The following DNAJB6 variants were observed in gnomAD, a reference collection of about 807,000 sequenced individuals.
DNAJB6 encodes DnaJ heat shock protein family (Hsp40) member B6.
Under a neutral mutation model 42.7 loss-of-function variants are expected in DNAJB6, and 16 were observed. That is an observed-to-expected ratio of 0.37 (90% CI 0.25 to 0.57). The LOEUF (loss-of-function observed/expected upper bound fraction) is 0.57, where lower values mean the gene tolerates loss of function less well. Among genes scored for constraint, DNAJB6 ranks in the 20% least tolerant of loss-of-function variants. DNAJB6 has a pLI of 0.74. For synonymous variants in DNAJB6, 170 were observed against 163.5 expected, an observed-to-expected ratio of 1.04 and a Z score of -0.30; for missense variants, 347 against 416.8, an observed-to-expected ratio of 0.83 and a Z score of 1.46.
intron 8 of DNAJB6, among the ~76,000 whole-genome samples, chr7:157,397,983 GTCTGGGCAGCAGAGCGAGAC>G (rs1442972351): frequency 6.6e-6 from 1 of 152,250 alleles, no homozygotes; most frequent in East Asian, 1.9e-4. Context: ...CTGCACTCCA[GTCTGGGCAGCAGAGCGAGAC>G]TCTTGTCTCA....
At chr7:157,397,536 T>C (rs918305683) in intron 8 of DNAJB6, among the ~76,000 whole-genome samples, 16 of 152,158 alleles carry the variant, frequency 1.1e-4, no homozygotes, top group African/African-American at 3.6e-4. Flanking sequence ...AACAGGAGAC[T>C]TTCCTCCTCA....
chr7:157,345,335 A>G (rs2116871649), intron 1 of DNAJB6, among the ~76,000 whole-genome samples: 1 of 152,194 alleles, frequency 6.6e-6, no homozygotes, highest in Middle Eastern at 3.4e-3. Context: ...TTTCTGAGAC[A>G]GGGCCTTGCC....
At chr7:157,353,717 C>T (rs752484156) in intron 1 of DNAJB6, among the ~76,000 whole-genome samples, 1 of 151,846 alleles carries the variant, frequency 6.6e-6, no homozygotes, top group African/African-American at 2.4e-5. Context: ...TGGAATGCCG[C>T]GGTGCAGTCC....
Position 157,384,900 on chromosome 7 carries a change from G to T in DNAJB6, c.512G>T (p.Gly171Val), listed in dbSNP as rs1584927273. Residue 171 changes from glycine to valine, a missense_variant, in exon 7 of 10, where the codon GGC becomes GTC. Gly to Val is a moderately radical substitution (Grantham distance 109, BLOSUM62 -3). Coordinates refer to ENST00000262177, the MANE Select transcript of DNAJB6 (RefSeq NM_058246.4). Reference sequence around the variant, plus strand: ...TCATTTGGGTCACTAGGTCACGGGGGCCTCACTTCATTCTCTTCCACGTCA... The same window carrying T: ...TCATTTGGGTCACTAGGTCACGGGGTCCTCACTTCATTCTCTTCCACGTCA... ...FTSFGSLGHG[G>V]LTSFSSTSFG... The T allele has an allele frequency of 6.2e-7, 1 of 1,613,188 alleles. No individual in the cohort carries two copies. Among genetic ancestry groups the T allele is most frequent in the Non-Finnish European group, 8.5e-7 (1 of 1,179,780 alleles).
At chr7:157,391,075 C>T (rs1410034433) in intron 8 of DNAJB6, among the ~76,000 whole-genome samples, 2 of 152,186 alleles carry the variant, frequency 1.3e-5, no homozygotes, top group Non-Finnish European at 1.5e-5. Context: ...GGCTCGAGCG[C>T]ATCACTCACT....
At chr7:157,393,961 A>G (rs948252142) in intron 8 of DNAJB6, among the ~76,000 whole-genome samples, 1 of 152,214 alleles carries the variant, frequency 6.6e-6, no homozygotes, top group Admixed American at 6.5e-5. Flanking sequence ...GCCTGTGATC[A>G]TGCGCCTTTC....
At chr7:157,392,826 T>C (rs1428435572) in intron 8 of DNAJB6, among the ~76,000 whole-genome samples, 2 of 152,186 alleles carry the variant, frequency 1.3e-5, no homozygotes, top group Admixed American at 6.5e-5. Flanking sequence ...AATATGTAGG[T>C]GTGCACATTT....
chr7:157,338,285 C>A (rs1340332868), intron 1 of DNAJB6, among the ~76,000 whole-genome samples: 1 of 152,092 alleles, frequency 6.6e-6, no homozygotes. Flanking sequence ...CCGCCTTACT[C>A]CTCCGCCAGT....
At chr7:157,338,561 AT>A in intron 1 of DNAJB6, among the ~76,000 whole-genome samples, 1 of 152,232 alleles carries the variant, frequency 6.6e-6, no homozygotes, top group South Asian at 2.1e-4. Flanking sequence ...TCTCGAACTT[AT>A]GACCTAAAGT....
chr7:157,396,472 C>G (rs370112438), intron 8 of DNAJB6, among the ~76,000 whole-genome samples: 1 of 152,178 alleles, frequency 6.6e-6, no homozygotes, highest in Non-Finnish European at 1.5e-5. Flanking sequence ...CTTTCTCTGC[C>G]TCCAGCAAAG....
intron 8 of DNAJB6, among the ~76,000 whole-genome samples, chr7:157,397,400 C>CT (rs1162727994): frequency 6.6e-6 from 1 of 152,204 alleles, no homozygotes; most frequent in Non-Finnish European, 1.5e-5. Context: ...GCCGGAACCT[C>CT]TGTGTCGCTG....
intron 1 of DNAJB6, chr7:157,340,066 C>T (rs1485964762): frequency 1.3e-5 from 2 of 152,204 alleles, no homozygotes; most frequent in Non-Finnish European, 2.9e-5. Context: ...AGGTCAGCTT[C>T]TATATTGGTT....
rs555564353 is a variant in DNAJB6, at chr7:157,382,165, A to G, written c.347-81A>G. ...GTTCCTGAATATGTTACAAACATCT[A>G]TTTTCTCTTACTGTAGCTATCACAT... On this transcript the variant is annotated intron_variant, in intron 5 of 9. Coordinates refer to ENST00000262177, the MANE Select transcript of DNAJB6 (RefSeq NM_058246.4). 2.5e-5 allele frequency: 37 copies of G among 1,459,588 alleles called. No homozygotes were observed. The Middle Eastern group carries it at 5.6e-4, about 22-fold the overall frequency. 90.4% of individuals were successfully genotyped at this position (1,459,588 alleles called of 1,614,324 possible).
At chr7:157,408,880 C>T (rs1795866025) in intron 8 of DNAJB6, among the ~76,000 whole-genome samples, 1 of 152,218 alleles carries the variant, frequency 6.6e-6, no homozygotes, top group Non-Finnish European at 1.5e-5. Flanking sequence ...GTCTGCCTTG[C>T]TTTACATCTG....
intron 8 of DNAJB6, among the ~76,000 whole-genome samples, chr7:157,401,765 G>A (rs992792765): frequency 6.6e-6 from 1 of 152,238 alleles, no homozygotes; most frequent in African/African-American, 2.4e-5. Context: ...GATAGAAACA[G>A]AGGTGGGAAC....
At chr7:157,398,836 G>A (rs562711683) in intron 8 of DNAJB6, among the ~76,000 whole-genome samples, 2 of 152,234 alleles carry the variant, frequency 1.3e-5, no homozygotes, top group Non-Finnish European at 2.9e-5. Context: ...TCTATGGGCT[G>A]TAGAATTAGA....
chr7:157,402,439 G>T, intron 8 of DNAJB6, among the ~76,000 whole-genome samples: 1 of 152,238 alleles, frequency 6.6e-6, no homozygotes, highest in Non-Finnish European at 1.5e-5. Flanking sequence ...TCTCTTGCTG[G>T]CCGTGGGGCG....
rs143694223 is a variant in DNAJB6 at position 157,376,618 on chromosome 7, A to C, written c.347-5628A>C. ...AGGCATGAGACATCAATCAGATCAT[A>C]ACCTGTAATCCCTGCACTTTGGGAG... On this transcript the variant is annotated intron_variant, in intron 5 of 9. Coordinates refer to ENST00000262177, the MANE Select transcript of DNAJB6 (RefSeq NM_058246.4). 3.2e-3 allele frequency among the ~76,000 whole-genome samples: 493 copies of C among 152,114 alleles called. 3 individuals are homozygous for C. Among genetic ancestry groups the C allele is most frequent in the South Asian group, 0.027 (128 of 4,820 alleles).
At chr7:157,348,474 C>T (rs915025052) in intron 1 of DNAJB6, among the ~76,000 whole-genome samples, 1 of 152,232 alleles carries the variant, frequency 6.6e-6, no homozygotes, top group Admixed American at 6.5e-5. Flanking sequence ...GTGCATGGAA[C>T]CCTGTTGGTG....
Sources: allele counts gnomAD v4.1 joint callset (sites outside exome capture counted in the v4.1 genomes callset), GRCh38; gene constraint gnomAD v4.1.1; transcripts MANE v1.5; gene names NCBI Gene and HGNC (gene_info 2026-07-23, HGNC 2026-07-21).